CSMD1: variants seen among roughly 807,000 people sequenced by gnomAD.
CSMD1 encodes the protein CUB and Sushi multiple domains 1.
In CSMD1, 213 loss-of-function variants were observed where a neutral mutation model predicts 417.5. That is an observed-to-expected ratio of 0.51 (90% CI 0.46 to 0.57). The LOEUF (loss-of-function observed/expected upper bound fraction) is 0.57. Among genes scored for constraint, CSMD1 ranks in the 20% least tolerant of loss-of-function variants. The pLI is 0.00. For synonymous variants in CSMD1, 2,862 were observed against 1,736.8 expected, an observed-to-expected ratio of 1.65 and a Z score of -16.11; for missense variants, 6,923 against 4,529.7, an observed-to-expected ratio of 1.53 and a Z score of -15.17.
chr8:3,669,886 C>T (rs6998629), intron 7 of CSMD1, among the ~76,000 whole-genome samples: 25,649 of 152,094 alleles, frequency 0.17, 2,287 homozygotes, highest in South Asian at 0.22. Flanking sequence ...CAAGCACCTC[C>T]TTCCTTCTTC....
intron 1 of CSMD1, among the ~76,000 whole-genome samples, chr8:4,815,417 C>T (rs2407596): frequency 2.0e-5 from 3 of 151,812 alleles, no homozygotes; most frequent in Non-Finnish European, 4.4e-5. Context: ...AGAAAGGAAC[C>T]GGGCTTATTG....
chr8:4,377,249 A>C (rs760656804), intron 3 of CSMD1, among the ~76,000 whole-genome samples: 4 of 152,202 alleles, frequency 2.6e-5, no homozygotes, highest in Non-Finnish European at 5.9e-5. Flanking sequence ...TTAGTAATTA[A>C]ACAAAGCAAC....
chr8:4,108,438 A>G (rs1801682397), intron 3 of CSMD1, among the ~76,000 whole-genome samples: 2 of 152,178 alleles, frequency 1.3e-5, no homozygotes. Context: ...GTTGTTCATC[A>G]TTTGCTCATG....
chr8:4,466,748 C>A (rs911877165), intron 2 of CSMD1, among the ~76,000 whole-genome samples: 3 of 151,992 alleles, frequency 2.0e-5, no homozygotes, highest in Admixed American at 6.5e-5. Context: ...TCCAATAATA[C>A]TATATTTATC....
intron 2 of CSMD1, among the ~76,000 whole-genome samples, chr8:4,453,239 A>C (rs974612008): frequency 1.4e-5 from 2 of 147,730 alleles, no homozygotes; most frequent in African/African-American, 4.9e-5. Flanking sequence ...ACACACACAC[A>C]CACACTGAAC....
chr8:4,793,492 T>C (rs1376609993), intron 1 of CSMD1, among the ~76,000 whole-genome samples: 1 of 151,880 alleles, frequency 6.6e-6, no homozygotes, highest in Admixed American at 6.6e-5. Context: ...TCCCACGCCA[T>C]CTCCCTGGTT....
intron 3 of CSMD1, among the ~76,000 whole-genome samples, chr8:4,285,744 C>T (rs951553866): frequency 2.6e-4 from 40 of 152,266 alleles, no homozygotes; most frequent in East Asian, 2.1e-3. Flanking sequence ...CTGTTAGGAA[C>T]TTCAGAGGTC....
rs1563217995 is a variant in CSMD1, at chr8:3,926,040, CA to C, written c.818+71862del. ...ACACACACACACACACACACACACA[CA>C]CAAACACCATATACACACACACACA... On this transcript the variant is annotated intron_variant, in intron 5 of 69. Coordinates refer to ENST00000635120, the MANE Select transcript of CSMD1 (RefSeq NM_033225.6). Among the ~76,000 whole-genome samples the C allele has an allele frequency of 4.7e-4, 48 of 103,066 alleles. 1 individual carries two copies. The highest frequency in any genetic ancestry group is 8.4e-4 in the South Asian group (3 of 3,578). The allele number at this position is 103,066 out of a possible 152,430, so 67.6% of individuals were successfully genotyped here.
At chr8:4,967,241 G>A (rs558680366) in intron 1 of CSMD1, among the ~76,000 whole-genome samples, 1 of 152,134 alleles carries the variant, frequency 6.6e-6, no homozygotes, top group South Asian at 2.1e-4. Context: ...ATCAAAGTTG[G>A]ATAATACTTA....
intron 3 of CSMD1, among the ~76,000 whole-genome samples, chr8:4,177,705 A>C (rs565066433): frequency 5.4e-5 from 8 of 148,924 alleles, no homozygotes; most frequent in Non-Finnish European, 1.0e-4. Flanking sequence ...AGAAAAAAAG[A>C]GACAAGAATC....
intron 5 of CSMD1, among the ~76,000 whole-genome samples, chr8:3,819,344 GTCATT>G (rs1047074090): frequency 3.6e-4 from 55 of 152,286 alleles, no homozygotes; most frequent in African/African-American, 1.3e-3. Context: ...GGAGATTCAT[GTCATT>G]TCATTTTATC....
chr8:4,006,686 C>T (rs955351339), intron 4 of CSMD1, among the ~76,000 whole-genome samples: 3 of 152,200 alleles, frequency 2.0e-5, no homozygotes, highest in Non-Finnish European at 4.4e-5. Context: ...TCTGCACATG[C>T]AGATGGCAAT....
chr8:2,995,929 G>C (rs1037253523), intron 54 of CSMD1, among the ~76,000 whole-genome samples: 1 of 152,196 alleles, frequency 6.6e-6, no homozygotes, highest in African/African-American at 2.4e-5. Flanking sequence ...GTGTTTATAA[G>C]CGGAGTAAGG....
chr8:4,922,841 C>G (rs1365736070), intron 1 of CSMD1, among the ~76,000 whole-genome samples: 3 of 152,132 alleles, frequency 2.0e-5, no homozygotes, highest in African/African-American at 2.4e-5. Context: ...ATTCCTTTAC[C>G]AAGTTTTTCC....
At chr8:4,307,935 G>C (rs1454947721) in intron 3 of CSMD1, among the ~76,000 whole-genome samples, 2 of 152,134 alleles carry the variant, frequency 1.3e-5, no homozygotes, top group Admixed American at 6.5e-5. Context: ...CGGATGCAAG[G>C]GTCTTCGGTG....
At chr8:4,234,606 C>G (rs895234437) in intron 3 of CSMD1, among the ~76,000 whole-genome samples, 1 of 152,132 alleles carries the variant, frequency 6.6e-6, no homozygotes, top group African/African-American at 2.4e-5. Flanking sequence ...TGTATTTACA[C>G]TTTATTCACC....
intron 6 of CSMD1, among the ~76,000 whole-genome samples, chr8:3,736,407 C>T (rs923366257): frequency 6.6e-6 from 1 of 150,676 alleles, no homozygotes; most frequent in Non-Finnish European, 1.5e-5. Flanking sequence ...CCATGCATGG[C>T]TAATGTAAAA....
intron 30 of CSMD1, among the ~76,000 whole-genome samples, chr8:3,206,479 C>CAT (rs1333222929): frequency 7.0e-4 from 7 of 9,974 alleles, no homozygotes; most frequent in African/African-American, 1.9e-3. Context: ...TATGTCTGTG[C>CAT]GTGTATGTGT....
intron 5 of CSMD1, among the ~76,000 whole-genome samples, chr8:3,838,781 T>C (rs867566018): frequency 9.2e-6 from 1 of 108,672 alleles, no homozygotes; most frequent in Non-Finnish European, 1.7e-5. Context: ...ATATAATAAA[T>C]TGATATTATA....
Sources: gnomAD v4.1 joint callset for allele counts (sites outside exome capture counted in the v4.1 genomes callset) on GRCh38, gnomAD v4.1.1 for gene constraint, MANE v1.5 for transcripts, NCBI Gene and HGNC (gene_info 2026-07-23, HGNC 2026-07-21) for gene names.